The following SH3RF1 variants were observed in gnomAD, a reference collection of about 807,000 sequenced individuals.
SH3RF1 encodes the protein SH3 domain containing ring finger 1.
A neutral mutation model predicts 74.0 loss-of-function variants in SH3RF1; 32 were observed. The ratio of observed to expected loss-of-function variants is 0.43; its 90% CI spans 0.33 to 0.58. The LOEUF is 0.58. SH3RF1 is among the 20% of genes least tolerant of loss of function. SH3RF1 has a pLI of 0.05. For synonymous variants in SH3RF1, 396 were observed against 439.6 expected, an observed-to-expected ratio of 0.90 and a Z score of 1.24; for missense variants, 954 against 1,130.9, an observed-to-expected ratio of 0.84 and a Z score of 2.24.
intron 5 of SH3RF1, among the ~76,000 whole-genome samples, chr4:169,135,389 G>C (rs1733683766): frequency 6.6e-6 from 1 of 152,002 alleles, no homozygotes; most frequent in African/African-American, 2.4e-5. Flanking sequence ...ATATGGTGGA[G>C]CAGAATGTAA....
chr4:169,183,866 A>G (rs759716006), intron 2 of SH3RF1, among the ~76,000 whole-genome samples: 1 of 152,218 alleles, frequency 6.6e-6, no homozygotes, highest in Non-Finnish European at 1.5e-5. Flanking sequence ...AATACTAGAA[A>G]TGTAGGAAAG....
chr4:169,163,347 A>T (rs113079806), intron 2 of SH3RF1, among the ~76,000 whole-genome samples: 11 of 152,294 alleles, frequency 7.2e-5, no homozygotes, highest in African/African-American at 2.6e-4. Context: ...AACAAACTGA[A>T]ATACATTTGT....
intron 2 of SH3RF1, among the ~76,000 whole-genome samples, chr4:169,188,997 A>C (rs1049228683): frequency 1.3e-5 from 2 of 152,244 alleles, no homozygotes; most frequent in African/African-American, 4.8e-5. Flanking sequence ...AAAAACAACA[A>C]GAAGAAAAAA....
chr4:169,194,557 T>C (rs966128765), intron 2 of SH3RF1, among the ~76,000 whole-genome samples: 21 of 152,234 alleles, frequency 1.4e-4, no homozygotes, highest in African/African-American at 4.8e-4. Flanking sequence ...AGTTTATTAC[T>C]TTTCATTGAA....
intron 2 of SH3RF1, among the ~76,000 whole-genome samples, chr4:169,225,027 C>T (rs1259782819): frequency 6.6e-6 from 1 of 152,092 alleles, no homozygotes; most frequent in Admixed American, 6.5e-5. Context: ...AGAGGGAGAC[C>T]AGCTCAGACA....
chr4:169,133,840 G>T (rs75199191), intron 5 of SH3RF1, among the ~76,000 whole-genome samples: 2,642 of 152,226 alleles, frequency 0.017, 70 homozygotes, highest in African/African-American at 0.061. Flanking sequence ...GGAAAAGGAA[G>T]ACAGCAATCA....
At chr4:169,195,243 G>A (rs758070278) in intron 2 of SH3RF1, among the ~76,000 whole-genome samples, 16 of 152,108 alleles carry the variant, frequency 1.1e-4, no homozygotes, top group Admixed American at 2.0e-4. Context: ...TTGTTCCATT[G>A]CCTTCTGCTG....
chr4:169,270,309 C>A (rs1244574933), intron 1 of SH3RF1, among the ~76,000 whole-genome samples: 2 of 152,006 alleles, frequency 1.3e-5, no homozygotes, highest in South Asian at 2.1e-4. Context: ...CGCAGACACA[C>A]CCCGGGGCCA....
In SH3RF1 at chr4:169,122,876, C is replaced by T. The variant is rs559190157; in HGVS notation, c.1180-610G>A. Among the ~76,000 whole-genome samples, 231 of 152,302 alleles carry T rather than the reference C, an allele frequency of 1.5e-3. 4 individuals carry two copies. The highest frequency in any genetic ancestry group is 5.3e-3 in the African/African-American group (222 of 41,570). Reference sequence around the variant, plus strand: ...TACTATCGAGGCTGGTAATCTTTAACAAGTACACCAGTGAAAAGCTGCTGG... The same window carrying T: ...TACTATCGAGGCTGGTAATCTTTAATAAGTACACCAGTGAAAAGCTGCTGG... On this transcript the variant is annotated intron_variant, in intron 6 of 11. Transcript: ENST00000284637.
intron 2 of SH3RF1, among the ~76,000 whole-genome samples, chr4:169,176,486 T>C (rs1200366321): frequency 1.3e-5 from 2 of 152,346 alleles, no homozygotes; most frequent in East Asian, 3.9e-4. Context: ...AATATTAATT[T>C]TAACTGAACA....
rs527507139 is a variant in SH3RF1 at position 169,185,318 on chromosome 4, G to C, written c.394-28639C>G. The stretch of plus-strand genomic sequence containing the variant: ...CGGTGGGAGGCAGTGATAGCCTGCC[G>C]CTACAAGCCTCACACAATTGATGAA... On this transcript the variant is annotated intron_variant, in intron 2 of 11. Transcript: ENST00000284637. Among the ~76,000 whole-genome samples the C allele has an allele frequency of 8.5e-5, 13 of 152,210 alleles. No individual in the cohort carries two copies. The East Asian group carries it at 2.5e-3, about 29-fold the overall frequency.
chr4:169,104,297 TGGAG>T, intron 11 of SH3RF1, among the ~76,000 whole-genome samples: 1 of 151,880 alleles, frequency 6.6e-6, no homozygotes, highest in Non-Finnish European at 1.5e-5. Context: ...GATCAATGCC[TGGAG>T]GGAGGGAGGG....
chr4:169,101,416 C>A (rs1041430642), intron 11 of SH3RF1, among the ~76,000 whole-genome samples: 1 of 151,724 alleles, frequency 6.6e-6, no homozygotes, highest in Non-Finnish European at 1.5e-5. Context: ...AAGTCACTTA[C>A]GGGGAGAGAA....
chr4:169,239,485 T>C (rs879785011), intron 2 of SH3RF1, among the ~76,000 whole-genome samples: 4 of 152,204 alleles, frequency 2.6e-5, no homozygotes, highest in Admixed American at 2.6e-4. Context: ...TCAGTCCATA[T>C]GTATGTATGT....
At chr4:169,181,482 C>A in intron 2 of SH3RF1, among the ~76,000 whole-genome samples, 1 of 151,870 alleles carries the variant, frequency 6.6e-6, no homozygotes, top group East Asian at 1.9e-4. Context: ...AGGATGGTCT[C>A]GATCTCCTGA....
chr4:169,266,167 T>C (rs1233831378), intron 2 of SH3RF1, among the ~76,000 whole-genome samples: 1 of 152,252 alleles, frequency 6.6e-6, no homozygotes, highest in African/African-American at 2.4e-5. Flanking sequence ...GGGAACAAGA[T>C]GTGCGTCACA....
At chr4:169,150,723 T>C (rs35612447) in intron 4 of SH3RF1, among the ~76,000 whole-genome samples, 33,889 of 152,044 alleles carry the variant, frequency 0.22, 4,092 homozygotes, top group Non-Finnish European at 0.28. Context: ...CGCCATTTTA[T>C]GTGAGGGACT....
chr4:169,197,309 T>C (rs888133887), intron 2 of SH3RF1, among the ~76,000 whole-genome samples: 1 of 152,080 alleles, frequency 6.6e-6, no homozygotes, highest in African/African-American at 2.4e-5. Flanking sequence ...GCCAATTCTA[T>C]AACTTTTATT....
chr4:169,228,387 T>TG (rs146348154), intron 2 of SH3RF1, among the ~76,000 whole-genome samples: 1 of 124,440 alleles, frequency 8.0e-6, no homozygotes, highest in Non-Finnish European at 1.9e-5. Flanking sequence ...GGCAGCGCTG[T>TG]GTTTTTTTTC....
Sources: allele counts gnomAD v4.1 joint callset (sites outside exome capture counted in the v4.1 genomes callset), GRCh38; gene constraint gnomAD v4.1.1; transcripts MANE v1.5; gene names NCBI Gene and HGNC (gene_info 2026-07-23, HGNC 2026-07-21).